SERP2: variants seen among roughly 807,000 people sequenced by gnomAD.
The protein encoded by SERP2 is stress associated endoplasmic reticulum protein family member 2.
In SERP2, 6 loss-of-function variants were observed where a neutral mutation model predicts 9.1. The observed-to-expected ratio is 0.66, with a 90% CI of 0.36 to 1.30. The LOEUF is 1.30. SERP2 is among the 50% of genes most tolerant of loss of function. The pLI, the probability that SERP2 is intolerant of heterozygous loss-of-function variation, is 0.03. For missense variants in SERP2, 58 were observed against 81.9 expected, an observed-to-expected ratio of 0.71 and a Z score of 1.13; for synonymous variants, 37 against 27.3, an observed-to-expected ratio of 1.35 and a Z score of -1.10.
intron 2 of SERP2, among the ~76,000 whole-genome samples, chr13:44,381,991 G>T (rs916647651): frequency 1.7e-5 from 1 of 57,574 alleles, no homozygotes; most frequent in African/African-American, 5.0e-5. Context: ...TAGTGCTTAG[G>T]ATGGATGGAT....
rs80142604 is a variant in SERP2, at chr13:44,381,041, T to C, written c.157+1328T>C. Among the ~76,000 whole-genome samples, 1,218 of 152,208 alleles carry C rather than the reference T, an allele frequency of 8.0e-3. 18 individuals are homozygous for C. Among genetic ancestry groups the C allele is most frequent in the Middle Eastern group, 0.034 (10 of 294 alleles). ...AATCTCTCGACCTTGCCTCATAAGA[T>C]GTGGTTTCTAGACTCCTCTTCTGGA... On this transcript the variant is annotated intron_variant, in intron 2 of 2. Coordinates refer to ENST00000379179, the MANE Select transcript of SERP2 (RefSeq NM_001010897.3).
chr13:44,390,963 T>G (rs565881634), intron 2 of SERP2: 1 of 152,316 alleles, frequency 6.6e-6, no homozygotes, highest in Non-Finnish European at 1.5e-5. Flanking sequence ...CAAAACTGTA[T>G]GATTTCTAGG....
chr13:44,396,390 C>A (rs1470757207), intron 2 of SERP2, among the ~76,000 whole-genome samples: 1 of 146,356 alleles, frequency 6.8e-6, no homozygotes, highest in East Asian at 2.0e-4. Flanking sequence ...AGTGTTTATT[C>A]TGTTTTTACA....
intron 2 of SERP2, among the ~76,000 whole-genome samples, chr13:44,383,608 C>T (rs1420151011): frequency 2.3e-5 from 3 of 132,752 alleles, no homozygotes; most frequent in Middle Eastern, 4.7e-3. Flanking sequence ...AGTGCAGTGG[C>T]GCAATCTCGG....
At chr13:44,379,604 A>T (rs1490468944) in intron 1 of SERP2, 37 bp from the exon 2 acceptor site, 1 of 1,488,750 alleles carries the variant, frequency 6.7e-7, no homozygotes. Flanking sequence ...TTATTGAGTC[A>T]ATGAACCTAA....
At chr13:44,394,102 C>T (rs1290307847) in intron 2 of SERP2, among the ~76,000 whole-genome samples, 1 of 152,048 alleles carries the variant, frequency 6.6e-6, no homozygotes, top group Non-Finnish European at 1.5e-5. Flanking sequence ...TGTTCTGAGA[C>T]GTGCAAACTT....
At chr13:44,382,735 C>G (rs1872066263) in intron 2 of SERP2, among the ~76,000 whole-genome samples, 1 of 152,184 alleles carries the variant, frequency 6.6e-6, no homozygotes, top group African/African-American at 2.4e-5. Context: ...GACTTTGAGC[C>G]TCTAAGCAAA....
At chr13:44,385,032 G>A (rs995519220) in intron 2 of SERP2, among the ~76,000 whole-genome samples, 2 of 152,206 alleles carry the variant, frequency 1.3e-5, no homozygotes, top group African/African-American at 4.8e-5. Context: ...TTTTCTGGCT[G>A]TCTTCTGGGA....
chr13:44,397,297 A>G lies in SERP2; in HGVS notation c.183A>G (p.Ile61Met). ...GSAIFQIIQS[I>M]RMGM ...CTATCTTTCAGATCATTCAGAGCAT[A>G]AGGATGGGCATGTGAGAAAGCCAGG... is the stretch of plus-strand genomic sequence containing the variant. The change falls in exon 3 of 3, where the codon ATA (isoleucine) becomes ATG (methionine). Residue 61 changes from isoleucine to methionine, a missense_variant. Ile to Met is a conservative substitution (Grantham distance 10). Transcript: ENST00000379179. 8 of 1,613,662 alleles carry G rather than the reference A, an allele frequency of 5.0e-6. No individual in the cohort carries two copies. The highest frequency in any genetic ancestry group is 6.8e-6 in the Non-Finnish European group (8 of 1,179,630).
chr13:44,377,561 C>T (rs1355936905), intron 1 of SERP2, among the ~76,000 whole-genome samples: 1 of 152,232 alleles, frequency 6.6e-6, no homozygotes, highest in East Asian at 1.9e-4. Flanking sequence ...TGATTAAGAG[C>T]AGCCACCGAT....
intron 2 of SERP2, among the ~76,000 whole-genome samples, chr13:44,382,919 G>T (rs541948566): frequency 6.6e-6 from 1 of 152,332 alleles, no homozygotes; most frequent in African/African-American, 2.4e-5. Context: ...GAGTTTACAG[G>T]GTGCTTGGCT....
rs970440688 is a variant in SERP2, at chr13:44,383,550, T to G, written c.157+3837T>G. On this transcript the variant is annotated intron_variant, in intron 2 of 2. Transcript: ENST00000379179. ...CACCTCTCTGGAGGTTTGCGTTTTTTTTGTTTTTTTTTTTTTGAGACAGAG... is the reference window on the plus strand; with the variant it reads ...CACCTCTCTGGAGGTTTGCGTTTTTGTTGTTTTTTTTTTTTTGAGACAGAG... Among the ~76,000 whole-genome samples the G allele has an allele frequency of 5.9e-4, 60 of 102,428 alleles. 7 individuals carry two copies. The highest frequency in any genetic ancestry group is 0.013 in the Middle Eastern group (2 of 160). 67.2% of individuals were successfully genotyped at this position (102,428 alleles called of 152,430 possible). A position where few individuals can be genotyped will look rare whatever the true frequency, so the allele number is the denominator to read the frequency against.
At chr13:44,396,141 G>T in intron 2 of SERP2, 1 of 188,624 alleles carries the variant, frequency 5.3e-6, no homozygotes, top group Admixed American at 6.0e-5. Flanking sequence ...ATGCATTCAT[G>T]TTTGTCTACT....
At position 44,389,080 on chromosome 13, in the gene SERP2, C is replaced by CTGT. The variant is rs111492355; in HGVS notation, c.158-8192_158-8191insTGT. On this transcript the variant is annotated intron_variant, in intron 2 of 2. Transcript: ENST00000379179. Reference sequence around the variant, plus strand: ...TGAGGAGCCAGAATGAAGCCTTTTGCAACAACTAAGAAACGTTTCTTTGTG... The same window carrying CTGT: ...TGAGGAGCCAGAATGAAGCCTTTTGCTGTAACAACTAAGAAACGTTTCTTTGTG... 7.5e-4 allele frequency among the ~76,000 whole-genome samples: 114 copies of CTGT among 152,324 alleles called. 1 individual carries two copies. The highest frequency in any genetic ancestry group is 2.1e-3 in the South Asian group (10 of 4,828).
At chr13:44,393,684 C>T (rs529338425) in intron 2 of SERP2, among the ~76,000 whole-genome samples, 1 of 152,296 alleles carries the variant, frequency 6.6e-6, no homozygotes, top group Admixed American at 6.5e-5. Flanking sequence ...GGTCTAGACT[C>T]CCCGCTTCCT....
Position 44,373,868 on chromosome 13 carries a change from G to T in SERP2, c.-158G>T. On this transcript the variant is annotated 5_prime_UTR_variant, in exon 1 of 3. Coordinates refer to ENST00000379179, the MANE Select transcript of SERP2 (RefSeq NM_001010897.3). The surrounding 1 kb of genome is among the most constrained non-coding windows in gnomAD (Gnocchi z 4.8). ...CCTCTCTCTGGAGTCGGCTAGCCGG[G>T]GCTCGGGGAGCGGGGTGCGCAGGGC... The T allele has an allele frequency of 1.7e-6, 1 of 580,024 alleles. No homozygotes were observed. The highest frequency in any genetic ancestry group is 2.3e-5 in the South Asian group (1 of 42,770). The allele number at this position is 580,024 out of a possible 1,614,324, so 35.9% of individuals were successfully genotyped here.
At chr13:44,389,755 A>T (rs2138793125) in intron 2 of SERP2, among the ~76,000 whole-genome samples, 1 of 152,312 alleles carries the variant, frequency 6.6e-6, no homozygotes, top group Non-Finnish European at 1.5e-5. Flanking sequence ...GGATAGCTAG[A>T]ACCTCTCTAA....
At chr13:44,375,207 G>A (rs1025525753) in intron 1 of SERP2, among the ~76,000 whole-genome samples, 1 of 152,066 alleles carries the variant, frequency 6.6e-6, no homozygotes, top group Non-Finnish European at 1.5e-5. Context: ...TTTAGCCAAA[G>A]AAACTATATT....
chr13:44,385,826 C>T (rs1015775791), intron 2 of SERP2, among the ~76,000 whole-genome samples: 2 of 152,164 alleles, frequency 1.3e-5, no homozygotes, highest in South Asian at 4.1e-4. Flanking sequence ...GATCTAAGTA[C>T]AGGCCCATAG....
Sources: allele counts gnomAD v4.1 joint callset (sites outside exome capture counted in the v4.1 genomes callset), GRCh38; gene constraint gnomAD v4.1.1; non-coding constraint Gnocchi (gnomAD v3.1); transcripts MANE v1.5; gene names NCBI Gene and HGNC (gene_info 2026-07-23, HGNC 2026-07-21).